MYCBPAP: variants seen among roughly 807,000 people sequenced by gnomAD.
MYCBPAP encodes MYCBP-associated protein.
Under a neutral mutation model 106.1 loss-of-function variants are expected in MYCBPAP, and 60 were observed. The ratio of observed to expected loss-of-function variants is 0.57; its 90% CI spans 0.46 to 0.70. The LOEUF is 0.70. Ranked by LOEUF, MYCBPAP falls within the 30% of genes least tolerant of loss-of-function variation. The probability of loss-of-function intolerance (pLI) is 0.00; values close to 1 mark genes in which losing one functional copy is unlikely to be tolerated. For synonymous variants in MYCBPAP, 407 were observed against 440.6 expected, an observed-to-expected ratio of 0.92 and a Z score of 0.95; for missense variants, 1,064 against 1,169.3, an observed-to-expected ratio of 0.91 and a Z score of 1.31.
At chr17:50,518,431 ACT>A (rs1244780351) in intron 4 of MYCBPAP, 108 bp from the exon 5 acceptor site, 7 of 894,754 alleles carry the variant, frequency 7.8e-6, no homozygotes, top group Non-Finnish European at 9.8e-6. Flanking sequence ...AAGAGGAGGG[ACT>A]CTCAGCGCAG....
chr17:50,527,384 A>C lies in MYCBPAP; in HGVS notation c.2267A>C (p.Gln756Pro). Residue 756 changes from glutamine (Q) to proline (P), a missense_variant, in exon 15 of 19, where the codon CAG (glutamine) becomes CCG (proline). Physicochemically the swap from Gln to Pro is moderately conservative, Grantham distance 76. Transcript: ENST00000323776. Reference sequence around the variant, plus strand: ...CTGTGCCAGAAGCCAAGGCCATTGCAGTCCAACCTCCTGCACCAGATGTGG... The same window carrying C: ...CTGTGCCAGAAGCCAAGGCCATTGCCGTCCAACCTCCTGCACCAGATGTGG... ...LELCQKPRPLQSNLLHQMCLQ... is the reference protein window; with the variant it reads ...LELCQKPRPLPSNLLHQMCLQ... 1 of 1,614,068 alleles carries C rather than the reference A, an allele frequency of 6.2e-7. No individual in the cohort carries two copies. The highest frequency in any genetic ancestry group is 1.3e-5 in the African/African-American group (1 of 75,034).
Position 50,526,164 on chromosome 17 carries a change from T to A in MYCBPAP, c.2066T>A (p.Ile689Asn), listed in dbSNP as rs777413905. 7 of 1,613,344 alleles carry A rather than the reference T, an allele frequency of 4.3e-6. No individual in the cohort carries two copies. Residue 689 changes from isoleucine (I) to asparagine (N), a missense_variant, in exon 14 of 19, where the codon ATC becomes AAC. Ile to Asn is a moderately radical substitution (Grantham distance 149). Transcript: ENST00000323776. ...SPQRKSIMEE[I>N]LVEESPDVDS... ...CAGCGGAAGAGCATCATGGAGGAGA[T>A]CCTGGTGGAGGAAAGCCCAGATGTG...
intron 13 of MYCBPAP, 51 bp downstream of exon 13, chr17:50,525,074 G>A (rs758425613): frequency 2.5e-6 from 4 of 1,569,926 alleles, no homozygotes; most frequent in Admixed American, 3.6e-5. Context: ...TGCGTCAAGG[G>A]TCCCCAACCC....
intron 15 of MYCBPAP, 60 bp from the exon 16 acceptor site, chr17:50,528,095 C>T (rs1316752351): frequency 2.1e-6 from 3 of 1,454,688 alleles, no homozygotes; most frequent in Admixed American, 3.6e-5. Context: ...ACCCAAGCCT[C>T]TGCAGGTTCA....
In MYCBPAP at chr17:50,521,561, A is replaced by T; in HGVS notation, c.1148+130A>T. The T allele has an allele frequency of 1.3e-5, 9 of 684,398 alleles. No homozygotes were observed. In the South Asian group the frequency reaches 1.6e-4, roughly 12 times the overall value. The allele number at this position is 684,398 out of a possible 1,614,324, so 42.4% of individuals were successfully genotyped here. A position where few individuals can be genotyped will look rare whatever the true frequency, so the allele number is the denominator to read the frequency against. On this transcript the variant is annotated intron_variant, in intron 9 of 18. Coordinates refer to ENST00000323776, the MANE Select transcript of MYCBPAP (RefSeq NM_032133.6). ...AGCTTCTGTCCAGTGGTTGCCACCC[A>T]CTCCTTGAACCCATTCCAGCACCTG...
In MYCBPAP at chr17:50,524,965, C is replaced by T. The variant is rs1317514405; in HGVS notation, c.1724C>T (p.Pro575Leu). ...LMGVLTPERT[P>L]SPVDAYLTEE... is the part of the protein sequence containing the mutation. The stretch of plus-strand genomic sequence containing the variant: ...GGGGTCTTGACCCCGGAGCGCACAC[C>T]ATCACCTGTGGATGCCTATCTCACC... The change falls in exon 13 of 19, where the codon CCA (proline) becomes CTA (leucine). Residue 575 changes from proline to leucine, a missense_variant. By Grantham distance (98) the Pro-to-Leu change is moderately conservative. Coordinates refer to ENST00000323776, the MANE Select transcript of MYCBPAP (RefSeq NM_032133.6). The T allele has an allele frequency of 2.5e-6, 4 of 1,614,020 alleles. No homozygotes were observed. Among genetic ancestry groups the T allele is most frequent in the Non-Finnish European group, 3.4e-6 (4 of 1,180,030 alleles).
At chr17:50,510,501 A>ATATATG (rs1222468702) in intron 1 of MYCBPAP, 9 of 83,222 alleles carry the variant, frequency 1.1e-4, no homozygotes, top group African/African-American at 5.0e-4. Context: ...GTGTGTGTGT[A>ATATATG]TATATATATA....
At chr17:50,509,358 G>T (rs147564758) in intron 1 of MYCBPAP, 69 of 550,220 alleles carry the variant, frequency 1.3e-4, no homozygotes, top group Admixed American at 3.9e-4. Context: ...AGAATCGCTA[G>T]ATATGACTGC....
intron 1 of MYCBPAP, among the ~76,000 whole-genome samples, chr17:50,513,936 T>G (rs755124244): frequency 2.0e-5 from 3 of 152,220 alleles, no homozygotes; most frequent in Admixed American, 6.5e-5. Flanking sequence ...CAGCCCTGCA[T>G]GTGTGTTTGT....
chr17:50,523,483 G>A (rs2034351136), intron 11 of MYCBPAP, 114 bp from the exon 12 acceptor site: 2 of 1,106,582 alleles, frequency 1.8e-6, no homozygotes, highest in African/African-American at 3.1e-5. Context: ...GGCAAACTGG[G>A]ATGGTTGGCC....
chr17:50,526,784 T>C (rs983336125), intron 14 of MYCBPAP, among the ~76,000 whole-genome samples: 11 of 152,236 alleles, frequency 7.2e-5, no homozygotes, highest in African/African-American at 2.4e-4. Context: ...GGTTTCGCTA[T>C]GTTGGCCAGG....
chr17:50,508,274 C>T, upstream of MYCBPAP: 1 of 372,592 alleles, frequency 2.7e-6, no homozygotes, highest in South Asian at 5.0e-5. Context: ...AGCAGCAGGG[C>T]GGGGCGAGGC....
Position 50,528,722 on chromosome 17 carries a change from T to C in MYCBPAP, c.2435T>C (p.Val812Ala), listed in dbSNP as rs755307885. The C allele has an allele frequency of 6.2e-7, 1 of 1,613,692 alleles. No individual in the cohort carries two copies. Residue 812 changes from valine (V) to alanine (A), a missense_variant, in exon 17 of 19, where the codon GTG becomes GCG. Transcript: ENST00000323776. The stretch of plus-strand genomic sequence containing the variant: ...CAAAAATCACCTCCTATCATGGAAG[T>C]GAAGGTACCTGTGGGGAAAGCTGGG... The part of the protein sequence containing the change: ...QDQKSPPIME[V>A]KVPVGKAGKE...
intron 1 of MYCBPAP, among the ~76,000 whole-genome samples, chr17:50,516,366 G>C (rs1352568823): frequency 6.6e-6 from 1 of 152,182 alleles, no homozygotes; most frequent in Non-Finnish European, 1.5e-5. Context: ...GCTGTGGGTA[G>C]GGGGACCCTC....
chr17:50,519,739 G>A lies in MYCBPAP; in HGVS notation c.868G>A (p.Glu290Lys). Residue 290 changes from glutamate (E) to lysine (K), a missense_variant, in exon 7 of 19, where the codon GAG (glutamate) becomes AAG (lysine). By Grantham distance (56) the Glu-to-Lys change is moderately conservative. Coordinates refer to ENST00000323776, the MANE Select transcript of MYCBPAP (RefSeq NM_032133.6). ...GACAAAAACTCAGCGTGGCCTCATG[G>A]AGCCCATCACTCACATCAGGAAGCC... is the stretch of plus-strand genomic sequence containing the variant. Reference protein sequence around the residue: ...TKTKTQRGLMEPITHIRKPHS... With the variant: ...TKTKTQRGLMKPITHIRKPHS... 1 of 1,614,074 alleles carries A rather than the reference G, an allele frequency of 6.2e-7. No individual in the cohort carries two copies. Among genetic ancestry groups the A allele is most frequent in the Non-Finnish European group, 8.5e-7 (1 of 1,180,016 alleles).
chr17:50,514,504 A>G (rs1459381530), intron 1 of MYCBPAP, among the ~76,000 whole-genome samples: 1 of 152,080 alleles, frequency 6.6e-6, no homozygotes, highest in African/African-American at 2.4e-5. Flanking sequence ...GATGTGTTTG[A>G]TCCTGTTAAG....
rs766384065 is a variant in MYCBPAP, at chr17:50,528,807, A to C, written c.2520A>C (p.Glu840Asp). 4.0e-5 allele frequency: 64 copies of C among 1,613,820 alleles called. No homozygotes were observed. ...AGCAACTGGGGATCAAAGACAAAGAAGACAAGAAAGGAGCCAAGCTGCTCG... is the reference window on the plus strand; with the variant it reads ...AGCAACTGGGGATCAAAGACAAAGACGACAAGAAAGGAGCCAAGCTGCTCG... ...EKKQLGIKDK[E>D]DKKGAKLLGK... Residue 840 changes from glutamate to aspartate, a missense_variant, in exon 17 of 19, where the codon GAA becomes GAC. By Grantham distance (45) the Glu-to-Asp change is conservative (BLOSUM62 2). Transcript: ENST00000323776.
In MYCBPAP at chr17:50,516,695, G is replaced by A. The variant is rs1399527007; in HGVS notation, c.202G>A (p.Glu68Lys). 1 of 1,613,882 alleles carries A rather than the reference G, an allele frequency of 6.2e-7. No individual in the cohort carries two copies. The highest frequency in any genetic ancestry group is 8.5e-7 in the Non-Finnish European group (1 of 1,179,906). The stretch of plus-strand genomic sequence containing the variant: ...GGCCATTAAGAAGGAAGACTTGAAG[G>A]AGGTGAGGATGAAGCCCAAGCTTCC... ...ALAIKKEDLK[E>K]QHIPRLTEKE... The change falls in exon 2 of 19, where the codon GAG (glutamate) becomes AAG (lysine). Residue 68 changes from glutamate (E) to lysine (K), a missense_variant and splice_region_variant. By Grantham distance (56) the Glu-to-Lys change is moderately conservative. Transcript: ENST00000323776.
intron 11 of MYCBPAP, 143 bp downstream of exon 11, chr17:50,523,271 A>C (rs2034343885): frequency 1.5e-5 from 13 of 877,258 alleles, no homozygotes; most frequent in Non-Finnish European, 2.1e-5. Context: ...TCCTTCTGTG[A>C]AATGTGTGGC....
Sources: allele counts gnomAD v4.1 joint callset (sites outside exome capture counted in the v4.1 genomes callset), GRCh38; gene constraint gnomAD v4.1.1; transcripts MANE v1.5; gene names NCBI Gene and HGNC (gene_info 2026-07-23, HGNC 2026-07-21).